DNAJC13: variants seen among roughly 807,000 people sequenced by gnomAD.
The protein encoded by DNAJC13 is DnaJ heat shock protein family (Hsp40) member C13.
DNAJC13 carries 75 observed loss-of-function variants against 290.5 expected under a neutral mutation model. The ratio of observed to expected loss-of-function variants is 0.26; its 90% CI spans 0.21 to 0.31. The LOEUF (loss-of-function observed/expected upper bound fraction) is 0.31, where lower values mean the gene tolerates loss of function less well. Ranked by LOEUF, DNAJC13 falls within the 10% of genes least tolerant of loss-of-function variation. The pLI, the probability that DNAJC13 is intolerant of heterozygous loss-of-function variation, is 1.00. For synonymous variants in DNAJC13, 862 were observed against 892.0 expected, an observed-to-expected ratio of 0.97 and a Z score of 0.60; for missense variants, 2,260 against 2,674.5, an observed-to-expected ratio of 0.85 and a Z score of 3.42.
intron 43 of DNAJC13, 119 bp downstream of exon 43, chr3:132,507,472 G>GA: frequency 3.1e-6 from 2 of 637,184 alleles, no homozygotes. Flanking sequence ...TTACTGTGCT[G>GA]CTTTTTTTTT....
At chr3:132,421,117 T>C (rs1938947699) in intron 1 of DNAJC13, among the ~76,000 whole-genome samples, 2 of 152,204 alleles carry the variant, frequency 1.3e-5, no homozygotes, top group Non-Finnish European at 1.5e-5. Context: ...AAAAAAGTTA[T>C]AAGATGGAGT....
At chr3:132,460,436 A>ATTTT in intron 14 of DNAJC13, 79 bp downstream of exon 14, 1 of 758,066 alleles carries the variant, frequency 1.3e-6, no homozygotes, top group Non-Finnish European at 2.1e-6. Context: ...CACGTGGATG[A>ATTTT]TTTTTTTTTT....
intron 46 of DNAJC13, chr3:132,514,921 T>TACGGC: frequency 1.0e-5 from 2 of 194,554 alleles, no homozygotes; most frequent in South Asian, 4.3e-5. Context: ...TTCAGTTTGT[T>TACGGC]GAGATCTACA....
At position 132,479,257 on chromosome 3, in the gene DNAJC13, A is replaced by G; in HGVS notation, c.2740A>G (p.Ile914Val). The G allele has an allele frequency of 6.2e-7, 1 of 1,609,080 alleles. No individual in the cohort carries two copies. The highest frequency in any genetic ancestry group is 2.2e-5 in the East Asian group (1 of 44,666). ...AGATAAACTTGAACGAGATAGGTTG[A>G]TTCTCTTCCTTAACAAGTTGATCCT... ...CTDKLERDRL[I>V]LFLNKLILNK... The change falls in exon 25 of 56, where the codon ATT (isoleucine) becomes GTT (valine). Residue 914 changes from isoleucine (I) to valine (V), a missense_variant. By Grantham distance (29) the Ile-to-Val change is conservative (BLOSUM62 3). Around this residue, in one of 3 missense-constraint regions of DNAJC13, gnomAD observed 1,494 missense variants for 1,693.7 expected, o/e 0.88. Coordinates refer to ENST00000260818, the MANE Select transcript of DNAJC13 (RefSeq NM_015268.4).
rs755728510 is a variant in DNAJC13, at chr3:132,514,611, A to G, written c.5426A>G (p.Asn1809Ser). 1.8e-5 allele frequency: 29 copies of G among 1,612,076 alleles called. No homozygotes were observed. The highest frequency in any genetic ancestry group is 1.6e-4 in the Middle Eastern group (1 of 6,068). Residue 1809 changes from asparagine to serine, a missense_variant, in exon 46 of 56, where the codon AAT (asparagine) becomes AGT (serine). Around this residue, in one of 3 missense-constraint regions of DNAJC13, gnomAD observed 1,494 missense variants for 1,693.7 expected, o/e 0.88. Coordinates refer to ENST00000260818, the MANE Select transcript of DNAJC13 (RefSeq NM_015268.4). ...IVTSNQDCVN[N>S]IAESMVLSSL... is the part of the protein sequence containing the mutation. ...ACATCTAACCAAGACTGTGTCAACA[A>G]TATTGCTGAATCAATGGTTTTGTCC...
chr3:132,467,378 G>T (rs1934031643), intron 20 of DNAJC13, 65 bp downstream of exon 20: 1 of 1,539,108 alleles, frequency 6.5e-7, no homozygotes, highest in Non-Finnish European at 8.9e-7. Context: ...TTTAGTTCCT[G>T]CTGTTCACAG....
chr3:132,525,905 A>T (rs1383651019), intron 52 of DNAJC13, 116 bp downstream of exon 52: 6 of 1,281,856 alleles, frequency 4.7e-6, no homozygotes, highest in Non-Finnish European at 6.3e-6. Flanking sequence ...GTCTTTTTGC[A>T]TACGAACCAC....
intron 41 of DNAJC13, among the ~76,000 whole-genome samples, chr3:132,504,631 T>G (rs1239875607): frequency 6.6e-6 from 1 of 152,228 alleles, no homozygotes; most frequent in South Asian, 2.1e-4. Flanking sequence ...ATGGAGGTCA[T>G]AGTCCTCTGT....
chr3:132,471,192 C>T (rs1357614237), intron 20 of DNAJC13, among the ~76,000 whole-genome samples: 4 of 121,788 alleles, frequency 3.3e-5, no homozygotes, highest in Non-Finnish European at 7.1e-5. Context: ...TAGGGGCGGC[C>T]GGGCAGAGGC....
At position 132,456,564 on chromosome 3, in the gene DNAJC13, A is replaced by G. The variant is rs1933605001; in HGVS notation, c.1163A>G (p.His388Arg). 1.2e-6 allele frequency: 2 copies of G among 1,613,858 alleles called. No homozygotes were observed. Among genetic ancestry groups the G allele is most frequent in the Non-Finnish European group, 1.7e-6 (2 of 1,179,914 alleles). Residue 388 changes from histidine (H) to arginine (R), a missense_variant, in exon 11 of 56, where the codon CAT (histidine) becomes CGT (arginine). Physicochemically the swap from His to Arg is conservative, Grantham distance 29. Coordinates refer to ENST00000260818, the MANE Select transcript of DNAJC13 (RefSeq NM_015268.4). Reference protein sequence around the residue: ...NANISYSGVLHAVTQDGLFSE... With the variant: ...NANISYSGVLRAVTQDGLFSE... ...AATATTTCATACAGTGGAGTCCTAC[A>G]TGCAGTAACACAAGATGTAAGCTAA...
At chr3:132,421,564 TG>T (rs778454844) in intron 1 of DNAJC13, among the ~76,000 whole-genome samples, 26 of 151,844 alleles carry the variant, frequency 1.7e-4, no homozygotes, top group East Asian at 7.8e-4. Flanking sequence ...CCTGAGTAGC[TG>T]GGACTACAGG....
chr3:132,493,336 G>A (rs1360417439), intron 33 of DNAJC13, among the ~76,000 whole-genome samples: 2 of 151,760 alleles, frequency 1.3e-5, no homozygotes, highest in Non-Finnish European at 2.9e-5. Flanking sequence ...CAGAATAATT[G>A]CCATTTATAC....
chr3:132,484,991 G>A (rs763064035), intron 29 of DNAJC13, among the ~76,000 whole-genome samples: 9 of 152,242 alleles, frequency 5.9e-5, no homozygotes, highest in Middle Eastern at 3.4e-3. Flanking sequence ...GGCTGAGGTG[G>A]GAGGATTGTT....
intron 2 of DNAJC13, among the ~76,000 whole-genome samples, chr3:132,441,034 T>G (rs984530409): frequency 5.3e-5 from 8 of 152,226 alleles, no homozygotes; most frequent in Admixed American, 3.3e-4. Context: ...TTCAAGTTAC[T>G]GGATTCTCAA....
At chr3:132,484,760 C>A in intron 29 of DNAJC13, 88 bp downstream of exon 29, 1 of 1,273,950 alleles carries the variant, frequency 7.8e-7, no homozygotes, top group Non-Finnish European at 1.1e-6. Flanking sequence ...TTGTTGCAGT[C>A]TATTCCATTT....
At chr3:132,449,264 A>G (rs990224140) in intron 5 of DNAJC13, among the ~76,000 whole-genome samples, 1 of 151,210 alleles carries the variant, frequency 6.6e-6, no homozygotes, top group East Asian at 1.9e-4. Context: ...AGGGTTTCTC[A>G]AAAGTCCTTC....
At chr3:132,458,751 A>G (rs528113272) in intron 13 of DNAJC13, among the ~76,000 whole-genome samples, 5 of 152,194 alleles carry the variant, frequency 3.3e-5, no homozygotes, top group Non-Finnish European at 7.3e-5. Context: ...CACACCTACT[A>G]TGTACCCACA....
intron 5 of DNAJC13, among the ~76,000 whole-genome samples, chr3:132,450,082 G>C (rs1373579831): frequency 6.6e-6 from 1 of 151,664 alleles, no homozygotes; most frequent in Non-Finnish European, 1.5e-5. Context: ...TTGCTAATAT[G>C]ATCAAACATC....
chr3:132,477,370 G>A (rs922248262), intron 22 of DNAJC13, among the ~76,000 whole-genome samples: 3 of 152,150 alleles, frequency 2.0e-5, no homozygotes, highest in South Asian at 2.1e-4. Context: ...AATTCTTTAC[G>A]AAAATGTAAA....
Sources: gnomAD v4.1 joint callset for allele counts (sites outside exome capture counted in the v4.1 genomes callset) on GRCh38, gnomAD v4.1.1 for gene constraint, gnomAD v4.1.1 regional missense constraint, MANE v1.5 for transcripts, NCBI Gene and HGNC (gene_info 2026-07-23, HGNC 2026-07-21) for gene names.